TAF4: variants seen among roughly 807,000 people sequenced by gnomAD.
TAF4 encodes the protein transcription initiation factor TFIID subunit 4.
TAF4 carries 9 observed loss-of-function variants against 90.3 expected under a neutral mutation model. That is an observed-to-expected ratio of 0.10 (90% CI 0.06 to 0.17). TAF4 has a LOEUF of 0.17. TAF4 is among the 10% of genes least tolerant of loss of function. The pLI, the probability that TAF4 is intolerant of heterozygous loss-of-function variation, is 1.00. For missense variants in TAF4, 1,351 were observed against 1,370.7 expected, an observed-to-expected ratio of 0.99 and a Z score of 0.23; for synonymous variants, 818 against 638.9, an observed-to-expected ratio of 1.28 and a Z score of -4.23.
intron 4 of TAF4, among the ~76,000 whole-genome samples, chr20:62,009,417 T>C (rs1010010603): frequency 1.3e-5 from 2 of 152,162 alleles, no homozygotes; most frequent in African/African-American, 4.8e-5. Flanking sequence ...AATGCAGCTA[T>C]GCAAATAATT....
At chr20:61,991,190 G>A (rs1030269332) in intron 14 of TAF4, among the ~76,000 whole-genome samples, 8 of 151,970 alleles carry the variant, frequency 5.3e-5, no homozygotes, top group South Asian at 4.2e-4. Flanking sequence ...AGGCTGAGAC[G>A]GGCAAATCAC....
chr20:62,045,383 C>T (rs994709668), intron 1 of TAF4, among the ~76,000 whole-genome samples: 18 of 152,174 alleles, frequency 1.2e-4, no homozygotes, highest in African/African-American at 4.1e-4. Context: ...GAGACGATGG[C>T]GGTGAAACTT....
At chr20:61,979,734 G>A (rs2055525466) in intron 14 of TAF4, among the ~76,000 whole-genome samples, 1 of 149,606 alleles carries the variant, frequency 6.7e-6, no homozygotes, top group Non-Finnish European at 1.5e-5. Flanking sequence ...AGGCGCGGTG[G>A]CCACTCCAGA....
chr20:62,003,322 C>CA (rs1390634007), intron 8 of TAF4, 48 bp from the exon 9 acceptor site: 2 of 1,465,438 alleles, frequency 1.4e-6, no homozygotes, highest in African/African-American at 2.8e-5. Context: ...TTTATTAGAT[C>CA]AACTATGTGC....
At chr20:62,016,119 G>T (rs1410509358) in intron 1 of TAF4, among the ~76,000 whole-genome samples, 1 of 152,224 alleles carries the variant, frequency 6.6e-6, no homozygotes, top group Non-Finnish European at 1.5e-5. Context: ...TCAAAGCCAG[G>T]TGGGCACTCA....
At chr20:61,992,237 G>A (rs997701094) in intron 14 of TAF4, among the ~76,000 whole-genome samples, 1 of 152,212 alleles carries the variant, frequency 6.6e-6, no homozygotes, top group African/African-American at 2.4e-5. Context: ...GTGTGTAACA[G>A]CTAAATGTTT....
intron 1 of TAF4, among the ~76,000 whole-genome samples, chr20:62,025,303 A>T (rs71323568): frequency 6.6e-6 from 1 of 152,258 alleles, no homozygotes; most frequent in East Asian, 1.9e-4. Flanking sequence ...GAAAGCATAA[A>T]CAATTTCTGG....
chr20:62,004,081 C>T (rs1490524211), intron 7 of TAF4, among the ~76,000 whole-genome samples: 4 of 152,186 alleles, frequency 2.6e-5, no homozygotes, highest in Non-Finnish European at 5.9e-5. Flanking sequence ...CAGGGCAGGA[C>T]GTGGGCGAGG....
chr20:62,054,469 G>A (rs79744723), intron 1 of TAF4, among the ~76,000 whole-genome samples: 1,890 of 152,276 alleles, frequency 0.012, 44 homozygotes, highest in African/African-American at 0.043. Context: ...CCATCGCTGC[G>A]CTGGAGGCCA....
At position 62,009,012 on chromosome 20, in the gene TAF4, G is replaced by A. The variant is rs757100087; in HGVS notation, c.1884+40C>T. 1.4e-5 allele frequency: 22 copies of A among 1,601,186 alleles called. No homozygotes were observed. The Admixed American group carries it at 1.7e-4, about 13-fold the overall frequency. The stretch of plus-strand genomic sequence containing the variant: ...CAACAGGTGTCTGTCCTATGCAACA[G>A]GCTTTAGGGGAAAGGGAATGTAAAG... On this transcript the variant is annotated intron_variant, in intron 5 of 14. Transcript: ENST00000252996.
At chr20:62,035,270 G>C (rs958707129) in intron 1 of TAF4, among the ~76,000 whole-genome samples, 1 of 152,180 alleles carries the variant, frequency 6.6e-6, no homozygotes, top group Non-Finnish European at 1.5e-5. Context: ...ATTCTCAAAA[G>C]CAACAGAATG....
intron 14 of TAF4, among the ~76,000 whole-genome samples, chr20:61,982,534 G>A (rs1450210164): frequency 4.5e-5 from 5 of 111,744 alleles, no homozygotes; most frequent in Admixed American, 3.1e-4. Context: ...ACATCCACCC[G>A]AGAGGAGACA....
intron 14 of TAF4, among the ~76,000 whole-genome samples, chr20:61,988,195 G>A (rs2055606749): frequency 6.6e-6 from 1 of 152,148 alleles, no homozygotes; most frequent in Non-Finnish European, 1.5e-5. Flanking sequence ...GCACCCTGAT[G>A]GGAACTATGG....
chr20:62,001,993 T>C (rs2055708042), intron 9 of TAF4, among the ~76,000 whole-genome samples: 1 of 152,178 alleles, frequency 6.6e-6, no homozygotes, highest in Non-Finnish European at 1.5e-5. Flanking sequence ...GCAAGACCCA[T>C]GGTTATCCAT....
At chr20:62,013,237 C>T (rs753061319) in intron 2 of TAF4, among the ~76,000 whole-genome samples, 3 of 152,192 alleles carry the variant, frequency 2.0e-5, no homozygotes, top group African/African-American at 4.8e-5. Flanking sequence ...CTTGTGACCT[C>T]GTTAACAATC....
At chr20:61,994,764 C>T (rs974239608) in intron 14 of TAF4, among the ~76,000 whole-genome samples, 24 of 152,178 alleles carry the variant, frequency 1.6e-4, no homozygotes, top group Admixed American at 1.3e-3. Context: ...TACCAAGAAG[C>T]GGTGCAAGAC....
At chr20:62,037,164 G>A (rs1024709320) in intron 1 of TAF4, among the ~76,000 whole-genome samples, 5 of 135,238 alleles carry the variant, frequency 3.7e-5, no homozygotes, top group South Asian at 4.6e-4. Flanking sequence ...CATCATGTGC[G>A]TCATGAGAGA....
At position 62,020,391 on chromosome 20, in the gene TAF4, CCCTG is replaced by C. The variant is rs764580198; in HGVS notation, c.1361-5688_1361-5685del. 1.1e-4 allele frequency among the ~76,000 whole-genome samples: 17 copies of C among 152,366 alleles called. No individual in the cohort carries two copies. In the Middle Eastern group the frequency reaches 0.017, roughly 152 times the overall value. ...ACGGAGCCAGGCGCTGAACAGTCGC[CCCTG>C]CCAGCCCACGGGGACACAAGGTCCC... On this transcript the variant is annotated intron_variant, in intron 1 of 14. Coordinates refer to ENST00000252996, the MANE Select transcript of TAF4 (RefSeq NM_003185.4).
At chr20:62,025,684 T>C (rs1040106747) in intron 1 of TAF4, among the ~76,000 whole-genome samples, 2 of 152,228 alleles carry the variant, frequency 1.3e-5, no homozygotes, top group Non-Finnish European at 2.9e-5. Flanking sequence ...CATGTGGAAC[T>C]GTGAGTCAAT....
Sources: allele counts gnomAD v4.1 joint callset (sites outside exome capture counted in the v4.1 genomes callset), GRCh38; gene constraint gnomAD v4.1.1; transcripts MANE v1.5; gene names NCBI Gene and HGNC (gene_info 2026-07-23, HGNC 2026-07-21).